The following LMBRD1 variants were observed in gnomAD, a reference collection of about 807,000 sequenced individuals.
The protein encoded by LMBRD1 is LMBR1 domain containing 1.
In LMBRD1, 64 loss-of-function variants were observed where a neutral mutation model predicts 74.8. The ratio of observed to expected loss-of-function variants is 0.86; its 90% CI spans 0.70 to 1.05. The LOEUF (loss-of-function observed/expected upper bound fraction) is 1.05, where lower values mean the gene tolerates loss of function less well. Among genes scored for constraint, LMBRD1 ranks in the 50% least tolerant of loss-of-function variants. LMBRD1 has a pLI of 0.00. For synonymous variants in LMBRD1, 204 were observed against 216.3 expected, an observed-to-expected ratio of 0.94 and a Z score of 0.50; for missense variants, 652 against 645.9, an observed-to-expected ratio of 1.01 and a Z score of -0.10.
chr6:69,790,722 C>G, intron 1 of LMBRD1: 2 of 478,532 alleles, frequency 4.2e-6, no homozygotes, highest in Non-Finnish European at 3.8e-6. Context: ...TACATATTTC[C>G]TCATTAAACA....
At chr6:69,773,281 A>G (rs942397149) in intron 3 of LMBRD1, among the ~76,000 whole-genome samples, 1 of 152,116 alleles carries the variant, frequency 6.6e-6, no homozygotes, top group Non-Finnish European at 1.5e-5. Flanking sequence ...ATGGGATGAC[A>G]GCAGGAAGGC....
At chr6:69,737,605 TTAATATGCTTATAAATCTA>T (rs1474368896) in intron 7 of LMBRD1, among the ~76,000 whole-genome samples, 20 of 150,062 alleles carry the variant, frequency 1.3e-4, no homozygotes, top group Non-Finnish European at 2.5e-4. Context: ...TATAAATCTA[TTAATATGCTTATAAATCTA>T]TAGGCATATA....
At chr6:69,770,584 A>C (rs1765557454) in intron 3 of LMBRD1, among the ~76,000 whole-genome samples, 1 of 152,236 alleles carries the variant, frequency 6.6e-6, no homozygotes, top group South Asian at 2.1e-4. Flanking sequence ...TCTCTCATTA[A>C]CAAAGTAAGA....
At chr6:69,688,596 C>T in intron 14 of LMBRD1, among the ~76,000 whole-genome samples, 1 of 152,046 alleles carries the variant, frequency 6.6e-6, no homozygotes, top group South Asian at 2.1e-4. Context: ...TAACTACCTA[C>T]CTACTCATAC....
chr6:69,758,356 T>C (rs1263487748), intron 3 of LMBRD1, among the ~76,000 whole-genome samples: 1 of 152,134 alleles, frequency 6.6e-6, no homozygotes, highest in East Asian at 1.9e-4. Flanking sequence ...AAAAGCCTTC[T>C]AAAATTATCT....
At chr6:69,703,569 G>C (rs1001437772) in intron 9 of LMBRD1, among the ~76,000 whole-genome samples, 2 of 150,750 alleles carry the variant, frequency 1.3e-5, no homozygotes, top group Non-Finnish European at 3.0e-5. Context: ...ACAGAACACA[G>C]AACAAATGTA....
chr6:69,705,571 C>T (rs751232260), intron 9 of LMBRD1: 25 of 1,252,438 alleles, frequency 2.0e-5, no homozygotes, highest in Non-Finnish European at 2.4e-5. Context: ...GCATTTTTGG[C>T]TGGAGTATCT....
At chr6:69,732,472 A>T (rs1209223031) in intron 7 of LMBRD1, among the ~76,000 whole-genome samples, 1 of 152,090 alleles carries the variant, frequency 6.6e-6, no homozygotes, top group Non-Finnish European at 1.5e-5. Context: ...ATGAGAAATA[A>T]ATGTTTGTTG....
In LMBRD1 at chr6:69,676,084, A is replaced by C. The variant is rs1765536917; in HGVS notation, c.*74T>G. The C allele has an allele frequency of 8.4e-7, 1 of 1,197,150 alleles. No individual in the cohort carries two copies. The highest frequency in any genetic ancestry group is 1.2e-6 in the Non-Finnish European group (1 of 810,392). 74.2% of individuals were successfully genotyped at this position (1,197,150 alleles called of 1,614,324 possible). On this transcript the variant is annotated 3_prime_UTR_variant, in exon 16 of 16. Coordinates refer to ENST00000649934, the MANE Select transcript of LMBRD1 (RefSeq NM_018368.4). The stretch of plus-strand genomic sequence containing the variant: ...GATGAAAGCTAGTTAGCAAATCCTA[A>C]TGTTAGTTTAATACTTTAAAAATGC...
intron 8 of LMBRD1, among the ~76,000 whole-genome samples, chr6:69,718,216 T>A (rs1766533974): frequency 1.3e-5 from 2 of 152,260 alleles, no homozygotes; most frequent in South Asian, 4.1e-4. Flanking sequence ...GTACATTTAA[T>A]TGGCAAGGGG....
intron 14 of LMBRD1, among the ~76,000 whole-genome samples, chr6:69,685,264 T>C (rs2149836781): frequency 6.6e-6 from 1 of 152,254 alleles, no homozygotes; most frequent in South Asian, 2.1e-4. Flanking sequence ...AAACAAATCA[T>C]TGAAAAGCAA....
chr6:69,744,135 G>T lies in LMBRD1; in HGVS notation c.474-2258C>A, dbSNP rs142372715. Among the ~76,000 whole-genome samples the T allele has an allele frequency of 4.8e-3, 725 of 152,178 alleles. 8 individuals are homozygous for T. Among genetic ancestry groups the T allele is most frequent in the Middle Eastern group, 0.017 (5 of 294 alleles). ...TATACTAAAGTATACTAAATGAAAT[G>T]GTGATGATATTAAAGTAACCGAGAG... On this transcript the variant is annotated intron_variant, in intron 5 of 15. Coordinates refer to ENST00000649934, the MANE Select transcript of LMBRD1 (RefSeq NM_018368.4).
chr6:69,715,243 G>T (rs558481645), intron 8 of LMBRD1, among the ~76,000 whole-genome samples: 1 of 151,956 alleles, frequency 6.6e-6, no homozygotes, highest in East Asian at 1.9e-4. Context: ...TTCCATTATC[G>T]TATCAAAAGG....
intron 3 of LMBRD1, among the ~76,000 whole-genome samples, chr6:69,764,719 T>C (rs1300704813): frequency 6.6e-6 from 1 of 152,194 alleles, no homozygotes; most frequent in African/African-American, 2.4e-5. Flanking sequence ...ATAAGCCCTT[T>C]ATGATTTATA....
chr6:69,735,373 T>C (rs540865747), intron 7 of LMBRD1, among the ~76,000 whole-genome samples: 2 of 151,658 alleles, frequency 1.3e-5, no homozygotes, highest in South Asian at 2.1e-4. Flanking sequence ...GGAAACAACA[T>C]GCAAACTCCA....
chr6:69,790,261 A>G lies in LMBRD1; in HGVS notation c.246+35T>C, dbSNP rs377053645. On this transcript the variant is annotated intron_variant, in intron 2 of 15. Coordinates refer to ENST00000649934, the MANE Select transcript of LMBRD1 (RefSeq NM_018368.4). ...CTGCCAAGTGTGCCAGAAATTTGAA[A>G]GGAAAAAAAATCTGCAAAGTAAGAT... 5.7e-4 allele frequency: 847 copies of G among 1,483,778 alleles called. 1 individual carries two copies. The highest frequency in any genetic ancestry group is 7.5e-4 in the Non-Finnish European group (799 of 1,066,884). 91.9% of individuals were successfully genotyped at this position (1,483,778 alleles called of 1,614,324 possible).
chr6:69,768,885 T>C (rs2149886709), intron 3 of LMBRD1, among the ~76,000 whole-genome samples: 1 of 152,158 alleles, frequency 6.6e-6, no homozygotes, highest in East Asian at 1.9e-4. Flanking sequence ...CCCTCTGGTG[T>C]CCACTATTTC....
intron 2 of LMBRD1, among the ~76,000 whole-genome samples, chr6:69,786,486 C>CTT (rs11407086): frequency 1.6e-3 from 231 of 147,532 alleles, no homozygotes; most frequent in African/African-American, 5.1e-3. Flanking sequence ...GTGTCGATTT[C>CTT]TTTTTTTTTT....
At chr6:69,773,525 A>G (rs984252702) in intron 3 of LMBRD1, among the ~76,000 whole-genome samples, 3 of 152,212 alleles carry the variant, frequency 2.0e-5, no homozygotes, top group Non-Finnish European at 2.9e-5. Context: ...TAGGTGCTCT[A>G]AAAGTATGGC....
Sources: gnomAD v4.1 joint callset for allele counts (sites outside exome capture counted in the v4.1 genomes callset) on GRCh38, gnomAD v4.1.1 for gene constraint, MANE v1.5 for transcripts, NCBI Gene and HGNC (gene_info 2026-07-23, HGNC 2026-07-21) for gene names.